The following PHIP variants were observed in gnomAD, a reference collection of about 807,000 sequenced individuals.
The protein encoded by PHIP is PHIP subunit of CUL4-Ring ligase complex.
PHIP carries 54 observed loss-of-function variants against 236.8 expected under a neutral mutation model. The ratio of observed to expected loss-of-function variants is 0.23; its 90% CI spans 0.18 to 0.29. The LOEUF (loss-of-function observed/expected upper bound fraction) is 0.29, where lower values mean the gene tolerates loss of function less well. Ranked by LOEUF, PHIP falls within the 10% of genes least tolerant of loss-of-function variation. The probability of loss-of-function intolerance (pLI) is 1.00; values close to 1 mark genes in which losing one functional copy is unlikely to be tolerated. For missense variants in PHIP, 1,370 were observed against 2,190.8 expected (o/e 0.63, Z 7.48); for synonymous variants, 756 against 718.9 (o/e 1.05, Z -0.83).
At chr6:78,984,460 C>T (rs772949156) in intron 22 of PHIP, among the ~76,000 whole-genome samples, 1 of 152,154 alleles carries the variant, frequency 6.6e-6, no homozygotes, top group Non-Finnish European at 1.5e-5. Context: ...TCAGCATAAA[C>T]ATAATTACAA....
rs1049348630 is a variant in PHIP at position 78,939,862 on chromosome 6, C to G, written c.*831G>C. The G allele has an allele frequency of 1.3e-5, 2 of 152,434 alleles. No homozygotes were observed. Among genetic ancestry groups the G allele is most frequent in the Non-Finnish European group, 2.9e-5 (2 of 67,904 alleles). The allele number at this position is 152,434 out of a possible 1,614,324, so 9.4% of individuals were successfully genotyped here. A position where few individuals can be genotyped will look rare whatever the true frequency, so the allele number is the denominator to read the frequency against. ...CAAAAAAAGATATATCTCAGCATAA[C>G]TCTTTAATAACTTGCTCTTTAGAAT... On this transcript the variant is annotated 3_prime_UTR_variant, in exon 40 of 40. Coordinates refer to ENST00000275034, the MANE Select transcript of PHIP (RefSeq NM_017934.7).
chr6:79,068,718 C>T (rs920297174), intron 4 of PHIP, among the ~76,000 whole-genome samples: 4 of 152,026 alleles, frequency 2.6e-5, no homozygotes, highest in Admixed American at 2.6e-4. Flanking sequence ...ACATATTGAC[C>T]CTTCGTGTTG....
intron 29 of PHIP, 98 bp from the exon 30 acceptor site, chr6:78,963,350 A>AT: frequency 2.2e-6 from 2 of 914,610 alleles, no homozygotes; most frequent in East Asian, 5.9e-5. Context: ...ATTAAAGTAT[A>AT]TTTTGTATAG....
At chr6:78,986,540 C>G (rs1768879154) in intron 21 of PHIP, among the ~76,000 whole-genome samples, 1 of 152,150 alleles carries the variant, frequency 6.6e-6, no homozygotes, top group South Asian at 2.1e-4. Context: ...GAGAATTTTG[C>G]CCAAGGCGGC....
chr6:78,971,854 C>G (rs1767590468), intron 24 of PHIP, among the ~76,000 whole-genome samples: 1 of 152,192 alleles, frequency 6.6e-6, no homozygotes, highest in Non-Finnish European at 1.5e-5. Flanking sequence ...GAAATTATAT[C>G]CCGCACCTGG....
chr6:79,054,394 G>A (rs1772965154), intron 6 of PHIP, among the ~76,000 whole-genome samples: 1 of 144,384 alleles, frequency 6.9e-6, no homozygotes. Flanking sequence ...ATTATGACTA[G>A]AAAAACAGAA....
chr6:78,939,996 T>C lies in PHIP; in HGVS notation c.*697A>G, dbSNP rs143388188. ...CACAATAAACAGAGATTGAGTGATA[T>C]AAGAATCAAGGTCTGAAAAATTAGA... On this transcript the variant is annotated 3_prime_UTR_variant, in exon 40 of 40. Coordinates refer to ENST00000275034, the MANE Select transcript of PHIP (RefSeq NM_017934.7). 1.3e-5 allele frequency: 2 copies of C among 152,570 alleles called. No homozygotes were observed. Among genetic ancestry groups the C allele is most frequent in the East Asian group, 1.9e-4 (1 of 5,192 alleles). The allele number at this position is 152,570 out of a possible 1,614,324, so 9.5% of individuals were successfully genotyped here.
chr6:79,047,434 A>T (rs1431578348), intron 6 of PHIP, among the ~76,000 whole-genome samples: 1 of 152,228 alleles, frequency 6.6e-6, no homozygotes, highest in Non-Finnish European at 1.5e-5. Context: ...AATGAAAGAA[A>T]AACCCATAAT....
chr6:78,991,080 G>T (rs1582181191), intron 19 of PHIP, 95 bp from the exon 20 acceptor site: 3 of 701,520 alleles, frequency 4.3e-6, no homozygotes, highest in East Asian at 2.7e-5. Context: ...CGCTACTCCT[G>T]ATGTTTTATT....
At chr6:79,033,829 T>C (rs1207756979) in intron 7 of PHIP, among the ~76,000 whole-genome samples, 1 of 152,188 alleles carries the variant, frequency 6.6e-6, no homozygotes, top group Non-Finnish European at 1.5e-5. Flanking sequence ...CCTTAATCTT[T>C]TCTAACTTTT....
In PHIP at chr6:78,965,733, G is replaced by T; in HGVS notation, c.3349C>A (p.Pro1117Thr). 1 of 1,576,168 alleles carries T rather than the reference G, an allele frequency of 6.3e-7. No homozygotes were observed. The highest frequency in any genetic ancestry group is 1.1e-5 in the South Asian group (1 of 88,198). Reference sequence around the variant, plus strand: ...TTAGGTATAAGCTCCATATCCCAAGGACTCATCTTTTCTGTATCTCCATTG... The same window carrying T: ...TTAGGTATAAGCTCCATATCCCAAGTACTCATCTTTTCTGTATCTCCATTG... ...WDNGDTEKMSPWDMELIPNNA... is the reference protein window; with the variant it reads ...WDNGDTEKMSTWDMELIPNNA... The change falls in exon 29 of 40, where the codon CCT (proline) becomes ACT (threonine). Residue 1117 changes from proline to threonine, a missense_variant. By Grantham distance (38) the Pro-to-Thr change is conservative (BLOSUM62 -1). Around this residue, in one of 14 missense-constraint regions of PHIP, gnomAD observed 238 missense variants for 398.5 expected, o/e 0.60. Coordinates refer to ENST00000275034, the MANE Select transcript of PHIP (RefSeq NM_017934.7).
intron 13 of PHIP, 60 bp downstream of exon 13, chr6:79,016,484 G>T: frequency 2.0e-6 from 2 of 994,336 alleles, no homozygotes; most frequent in Non-Finnish European, 3.1e-6. Context: ...TCACCAACCT[G>T]CACTATAACA....
chr6:78,978,522 T>A, intron 24 of PHIP, 70 bp downstream of exon 24: 1 of 1,281,854 alleles, frequency 7.8e-7, no homozygotes, highest in Non-Finnish European at 1.1e-6. Context: ...CAGAAGTCTA[T>A]TTCAAGAGCT....
At position 78,997,817 on chromosome 6, in the gene PHIP, A is replaced by T. The variant is rs542980762; in HGVS notation, c.2018-220T>A. ...AGATAAGTCAATGAATCATAACTATAGACTATTAAGCCCCAAGGATACAAA... is the reference window on the plus strand; with the variant it reads ...AGATAAGTCAATGAATCATAACTATTGACTATTAAGCCCCAAGGATACAAA... On this transcript the variant is annotated intron_variant, in intron 18 of 39. Coordinates refer to ENST00000275034, the MANE Select transcript of PHIP (RefSeq NM_017934.7). Among the ~76,000 whole-genome samples the T allele has an allele frequency of 5.3e-5, 8 of 152,318 alleles. No homozygotes were observed. In the South Asian group the frequency reaches 1.5e-3, roughly 28 times the overall value.
At chr6:78,967,857 G>A (rs1221469435) in intron 27 of PHIP, among the ~76,000 whole-genome samples, 10 of 152,132 alleles carry the variant, frequency 6.6e-5, no homozygotes, top group Middle Eastern at 3.4e-3. Context: ...TTTATCGGCC[G>A]GGCGCGGTGG....
chr6:78,991,117 T>C (rs909051921), intron 19 of PHIP, 132 bp from the exon 20 acceptor site: 1 of 618,338 alleles, frequency 1.6e-6, no homozygotes, highest in Non-Finnish European at 2.9e-6. Context: ...TGATAAAGAT[T>C]TCTAAGTTTA....
At chr6:78,981,259 A>T (rs1026688591) in intron 23 of PHIP, among the ~76,000 whole-genome samples, 1 of 151,984 alleles carries the variant, frequency 6.6e-6, no homozygotes, top group African/African-American at 2.4e-5. Context: ...TTCCTCTAGG[A>T]AATCTCATCT....
In PHIP at chr6:78,946,758, C is replaced by A. The variant is rs141705771; in HGVS notation, c.4323G>T (p.Arg1441Ser). The change falls in exon 37 of 40, where the codon AGG becomes AGT. Residue 1441 changes from arginine to serine, a missense_variant. Around this residue, in one of 14 missense-constraint regions of PHIP, gnomAD observed 125 missense variants for 235.1 expected, o/e 0.53. Coordinates refer to ENST00000275034, the MANE Select transcript of PHIP (RefSeq NM_017934.7). ...FHKRNTITKR[R>S]KKRNRSSSVS... ...CAGAGCTGCTTCTGTTTCTTTTCTTCCTCCTTTTGGTTATGGTATTTCTTT... is the reference window on the plus strand; with the variant it reads ...CAGAGCTGCTTCTGTTTCTTTTCTTACTCCTTTTGGTTATGGTATTTCTTT... 9.2e-5 allele frequency: 147 copies of A among 1,589,972 alleles called. 1 individual carries two copies. Among genetic ancestry groups the A allele is most frequent in the Middle Eastern group, 1.7e-4 (1 of 5,990 alleles).
In PHIP at chr6:79,019,128, G is replaced by A. The variant is rs1770984069; in HGVS notation, c.955C>T (p.Arg319Trp). 3.7e-6 allele frequency: 6 copies of A among 1,612,660 alleles called. No homozygotes were observed. Among genetic ancestry groups the A allele is most frequent in the Non-Finnish European group, 4.2e-6 (5 of 1,179,016 alleles). Residue 319 changes from arginine to tryptophan, a missense_variant, in exon 10 of 40, where the codon CGG (arginine) becomes TGG (tryptophan). Around this residue, in one of 14 missense-constraint regions of PHIP, gnomAD observed 188 missense variants for 354.3 expected, o/e 0.53. Coordinates refer to ENST00000275034, the MANE Select transcript of PHIP (RefSeq NM_017934.7). ...PRPAKFTERP[R>W]PGVQMICSSF... ...GAACAGATCATTTGAACTCCAGGCC[G>A]AGGGCGCTCTGTAAATTTTGCAGGT...
Sources: gnomAD v4.1 joint callset for allele counts (sites outside exome capture counted in the v4.1 genomes callset) on GRCh38, gnomAD v4.1.1 for gene constraint, gnomAD v4.1.1 regional missense constraint, MANE v1.5 for transcripts, NCBI Gene and HGNC (gene_info 2026-07-23, HGNC 2026-07-21) for gene names.